UGT1A8: variants seen among roughly 807,000 people sequenced by gnomAD.
UGT1A8 encodes the protein UDP glucuronosyltransferase family 1 member A8, also known as UDP-glucuronosyltransferase 1A8.
A neutral mutation model predicts 45.3 loss-of-function variants in UGT1A8; 39 were observed. The observed-to-expected ratio is 0.86, with a 90% CI of 0.67 to 1.12. UGT1A8 has a LOEUF of 1.12. Ranked by LOEUF, UGT1A8 falls within the 50% of genes most tolerant of loss-of-function variation. The pLI is 0.00. For synonymous variants in UGT1A8, 275 were observed against 249.2 expected, an observed-to-expected ratio of 1.10 and a Z score of -0.97; for missense variants, 719 against 664.9, an observed-to-expected ratio of 1.08 and a Z score of -0.90.
At position 233,769,757 on chromosome 2, in the gene UGT1A8, A is replaced by G; in HGVS notation, c.1295+1318A>G. 7.1e-7 allele frequency: 1 copy of G among 1,417,082 alleles called. No individual in the cohort carries two copies. Among genetic ancestry groups the G allele is most frequent in the Non-Finnish European group, 9.2e-7 (1 of 1,082,860 alleles). 87.8% of individuals were successfully genotyped at this position (1,417,082 alleles called of 1,614,324 possible). A position where few individuals can be genotyped will look rare whatever the true frequency, so the allele number is the denominator to read the frequency against. On this transcript the variant is annotated intron_variant, in intron 4 of 4. Coordinates refer to ENST00000373450, the MANE Select transcript of UGT1A8 (RefSeq NM_019076.5). The surrounding 1 kb of genome is among the most constrained non-coding windows in gnomAD (Gnocchi z 4.4). ...GTAGTCCCAGCCACTCTGGAGGCTA[A>G]GGCGGGAGGATTGCTTGAGCCCAGA...
chr2:233,752,978 A>G (rs961719654), intron 1 of UGT1A8, among the ~76,000 whole-genome samples: 31 of 152,180 alleles, frequency 2.0e-4, no homozygotes, highest in Middle Eastern at 3.2e-3. Flanking sequence ...AATTGTGTAG[A>G]TACAAACCCA....
At chr2:233,660,579 AT>A (rs2073942639) in intron 1 of UGT1A8, among the ~76,000 whole-genome samples, 1 of 151,780 alleles carries the variant, frequency 6.6e-6, no homozygotes, top group African/African-American at 2.4e-5. Flanking sequence ...GCTGGCGTTT[AT>A]TTTTTCCCTT....
Position 233,768,248 on chromosome 2 carries a change from C to A in UGT1A8, c.1104C>A (p.Thr368=). The change falls in exon 4 of 5, where the codon ACC becomes ACA. Residue 368 remains threonine, a synonymous_variant. Transcript: ENST00000373450. ...LGHPMTRAFI[T]HAGSHGVYES... is the part of the protein sequence containing the mutation. Reference sequence around the variant, plus strand: ...ACCCGATGACCCGTGCCTTTATCACCCATGCTGGTTCCCATGGTGTTTATG... The same window carrying A: ...ACCCGATGACCCGTGCCTTTATCACACATGCTGGTTCCCATGGTGTTTATG... 1 of 1,614,138 alleles carries A rather than the reference C, an allele frequency of 6.2e-7. No homozygotes were observed. The highest frequency in any genetic ancestry group is 1.1e-5 in the South Asian group (1 of 91,084).
intron 1 of UGT1A8, among the ~76,000 whole-genome samples, chr2:233,673,591 T>C (rs1390364139): frequency 1.3e-5 from 2 of 152,220 alleles, no homozygotes; most frequent in Non-Finnish European, 2.9e-5. Context: ...GGAATATGTA[T>C]GTCTCACTAT....
At chr2:233,657,446 G>A (rs1413690014) in intron 1 of UGT1A8, among the ~76,000 whole-genome samples, 1 of 152,184 alleles carries the variant, frequency 6.6e-6, no homozygotes, top group Non-Finnish European at 1.5e-5. Context: ...AGGTGAGAAA[G>A]AAGCAAGAGA....
chr2:233,629,779 A>G (rs2073153887), intron 1 of UGT1A8, among the ~76,000 whole-genome samples: 2 of 152,156 alleles, frequency 1.3e-5, no homozygotes, highest in Non-Finnish European at 2.9e-5. Context: ...GGTTTGAATT[A>G]CAAATACAAA....
At position 233,725,197 on chromosome 2, in the gene UGT1A8, CAGAGGCAGAGGCAGAGGCAGA is replaced by C. The variant is rs1559370274; in HGVS notation, c.856-41836_856-41816del. ...CCGTGGGGAGAGGCAGAGGCAGAGG[CAGAGGCAGAGGCAGAGGCAGA>C]GGAGGCAGAGGCAGAGGAGGCAGAG... is the stretch of plus-strand genomic sequence containing the variant. On this transcript the variant is annotated intron_variant, in intron 1 of 4. Transcript: ENST00000373450. Among the ~76,000 whole-genome samples the C allele has an allele frequency of 9.0e-4, 74 of 81,846 alleles. 30 individuals carry two copies. Among genetic ancestry groups the C allele is most frequent in the African/African-American group, 7.3e-3 (68 of 9,378 alleles). 53.7% of individuals were successfully genotyped at this position (81,846 alleles called of 152,430 possible).
At chr2:233,680,556 A>G (rs1014960787) in intron 1 of UGT1A8, among the ~76,000 whole-genome samples, 2 of 152,154 alleles carry the variant, frequency 1.3e-5, no homozygotes, top group African/African-American at 4.8e-5. Context: ...AATGCTCCTC[A>G]GTGTGTTGCC....
chr2:233,643,404 C>A (rs1299751959), intron 1 of UGT1A8, among the ~76,000 whole-genome samples: 2 of 152,010 alleles, frequency 1.3e-5, no homozygotes, highest in Non-Finnish European at 2.9e-5. Flanking sequence ...CTTAAGTCAA[C>A]TTGTGGTGAA....
intron 1 of UGT1A8, chr2:233,691,684 A>T: frequency 1.0e-6 from 1 of 957,208 alleles, no homozygotes. Flanking sequence ...GAGAAACCTG[A>T]AGCTCAGGAG....
intron 1 of UGT1A8, chr2:233,718,807 T>A (rs2076687177): frequency 6.2e-7 from 1 of 1,613,200 alleles, no homozygotes; most frequent in African/African-American, 1.3e-5. Flanking sequence ...CAGCTGTCGG[T>A]GGCTTCTGCT....
At chr2:233,755,940 ATC>A (rs35754645) in intron 1 of UGT1A8, 54,950 of 151,954 alleles carry the variant, frequency 0.36, 10,325 homozygotes, top group African/African-American at 0.45. Flanking sequence ...CAGTTTTTGC[ATC>A]TCTCTCTTTA....
At chr2:233,627,664 CCT>C (rs1383558807) in intron 1 of UGT1A8, among the ~76,000 whole-genome samples, 1 of 149,904 alleles carries the variant, frequency 6.7e-6, no homozygotes, top group African/African-American at 2.5e-5. Flanking sequence ...TTCCTTCCTT[CCT>C]TCCTTCCTTC....
chr2:233,674,108 T>C (rs904598405), intron 1 of UGT1A8, among the ~76,000 whole-genome samples: 2 of 152,190 alleles, frequency 1.3e-5, no homozygotes, highest in Non-Finnish European at 2.9e-5. Context: ...GGATGGAGTA[T>C]ACAATTTATC....
At position 233,769,585 on chromosome 2, in the gene UGT1A8, G is replaced by A; in HGVS notation, c.1295+1146G>A. On this transcript the variant is annotated intron_variant, in intron 4 of 4. Transcript: ENST00000373450. This position sits in a 1 kb window ranked among gnomAD's most constrained non-coding sequence, Gnocchi z 4.4. ...GAAGAGCTGGAGCATGTTCAGATGA[G>A]AGGAGACGGAACACGGGGACACACC... is the stretch of plus-strand genomic sequence containing the variant. 1.2e-6 allele frequency: 2 copies of A among 1,612,920 alleles called. No individual in the cohort carries two copies. Among genetic ancestry groups the A allele is most frequent in the Non-Finnish European group, 1.7e-6 (2 of 1,179,890 alleles).
intron 1 of UGT1A8, among the ~76,000 whole-genome samples, chr2:233,638,242 A>C (rs1056394707): frequency 6.6e-6 from 1 of 152,118 alleles, no homozygotes; most frequent in African/African-American, 2.4e-5. Context: ...TAAGCATTTT[A>C]TGTTTGTTTT....
chr2:233,713,579 A>G (rs536394959), intron 1 of UGT1A8: 12 of 1,613,952 alleles, frequency 7.4e-6, no homozygotes, highest in African/African-American at 5.3e-5. Flanking sequence ...ATATTCCTAG[A>G]TTACTAACGA....
At chr2:233,713,846 G>A in intron 1 of UGT1A8, 6 of 1,614,046 alleles carry the variant, frequency 3.7e-6, no homozygotes, top group Non-Finnish European at 5.1e-6. Context: ...CCAACGGGAA[G>A]CCACTATCTC....
chr2:233,623,107 G>A (rs1427431938), intron 1 of UGT1A8, among the ~76,000 whole-genome samples: 2 of 152,040 alleles, frequency 1.3e-5, no homozygotes, highest in East Asian at 1.9e-4. Context: ...GTACCAATAC[G>A]ATGCTGTTTT....
Sources: gnomAD v4.1 joint callset for allele counts (sites outside exome capture counted in the v4.1 genomes callset) on GRCh38, gnomAD v4.1.1 for gene constraint, Gnocchi (gnomAD v3.1) non-coding constraint, MANE v1.5 for transcripts, NCBI Gene and HGNC (gene_info 2026-07-23, HGNC 2026-07-21) for gene names.